Variants in MACROD2 observed in about 807,000 individuals in gnomAD.
MACROD2 encodes mono-ADP ribosylhydrolase 2, also known as ADP-ribose glycohydrolase MACROD2.
A neutral mutation model predicts 70.4 loss-of-function variants in MACROD2; 36 were observed. The observed-to-expected ratio is 0.51, with a 90% CI of 0.39 to 0.68. The LOEUF is 0.68. Ranked by LOEUF, MACROD2 falls within the 30% of genes least tolerant of loss-of-function variation. The probability of loss-of-function intolerance (pLI) is 0.00; values close to 1 mark genes in which losing one functional copy is unlikely to be tolerated. For synonymous variants in MACROD2, 172 were observed against 178.8 expected, an observed-to-expected ratio of 0.96 and a Z score of 0.30; for missense variants, 496 against 538.4, an observed-to-expected ratio of 0.92 and a Z score of 0.78.
At chr20:14,774,664 T>C (rs567942139) in intron 5 of MACROD2, among the ~76,000 whole-genome samples, 45 of 152,228 alleles carry the variant, frequency 3.0e-4, no homozygotes, top group African/African-American at 1.0e-3. Flanking sequence ...TCTAGACTTA[T>C]AGACTGTTAA....
intron 5 of MACROD2, among the ~76,000 whole-genome samples, chr20:14,727,565 A>G (rs929531976): frequency 1.4e-4 from 22 of 152,066 alleles, no homozygotes; most frequent in Non-Finnish European, 2.9e-4. Context: ...GAGAGAGAAG[A>G]AACAAAGTAG....
At chr20:15,148,676 A>G (rs970899205) in intron 5 of MACROD2, among the ~76,000 whole-genome samples, 2 of 151,992 alleles carry the variant, frequency 1.3e-5, no homozygotes, top group East Asian at 1.9e-4. Context: ...GGGGCCTGAT[A>G]AAAAGGAGTG....
At chr20:14,643,951 A>T (rs73100690) in intron 4 of MACROD2, among the ~76,000 whole-genome samples, 27,140 of 152,048 alleles carry the variant, frequency 0.18, 3,167 homozygotes, top group Non-Finnish European at 0.25. Flanking sequence ...GTAGTTAGTC[A>T]TCTATAACAT....
At chr20:15,665,108 A>G (rs995722881) in intron 8 of MACROD2, among the ~76,000 whole-genome samples, 1 of 152,166 alleles carries the variant, frequency 6.6e-6, no homozygotes, top group Non-Finnish European at 1.5e-5. Context: ...TGAAGTCTTG[A>G]TTGAGAAGTG....
chr20:15,655,653 G>A (rs553490644), intron 8 of MACROD2, among the ~76,000 whole-genome samples: 34 of 152,162 alleles, frequency 2.2e-4, no homozygotes, highest in African/African-American at 5.1e-4. Context: ...ACATTATTTC[G>A]AATGATGTAT....
intron 8 of MACROD2, among the ~76,000 whole-genome samples, chr20:15,548,085 CT>C (rs1405803724): frequency 6.6e-6 from 1 of 152,150 alleles, no homozygotes; most frequent in Non-Finnish European, 1.5e-5. Context: ...ATCCCCCTCC[CT>C]TCCTCCATCC....
In MACROD2 at chr20:15,002,287, G is replaced by GT. The variant is rs199572306; in HGVS notation, c.419-227645dup. ...CCACACAAACATCTAGTATTTTTTTGTTTTTTTTGGCTATGGCCATTCTTT... is the reference window on the plus strand; with the variant it reads ...CCACACAAACATCTAGTATTTTTTTGTTTTTTTTTGGCTATGGCCATTCTTT... On this transcript the variant is annotated intron_variant, in intron 5 of 17. Transcript: ENST00000684519. Among the ~76,000 whole-genome samples, 952 of 151,344 alleles carry GT rather than the reference G, an allele frequency of 6.3e-3. 12 individuals carry two copies. The highest frequency in any genetic ancestry group is 0.045 in the Middle Eastern group (13 of 290).
At chr20:14,897,240 G>T (rs6135297) in intron 5 of MACROD2, among the ~76,000 whole-genome samples, 29,054 of 151,980 alleles carry the variant, frequency 0.19, 2,975 homozygotes, top group African/African-American at 0.22. Flanking sequence ...CACAGACTCA[G>T]GTTTTATGGC....
intron 8 of MACROD2, among the ~76,000 whole-genome samples, chr20:15,573,867 A>G (rs1410889601): frequency 6.6e-6 from 1 of 152,098 alleles, no homozygotes; most frequent in African/African-American, 2.4e-5. Context: ...CATCTGTGAC[A>G]ATTTCACTCT....
At chr20:14,447,976 A>AT (rs1555792186) in intron 3 of MACROD2, among the ~76,000 whole-genome samples, 1 of 143,132 alleles carries the variant, frequency 7.0e-6, no homozygotes, top group Admixed American at 7.1e-5. Flanking sequence ...ACCCATGAAA[A>AT]TGTGTGTGTG....
chr20:14,873,138 A>G (rs1395133451), intron 5 of MACROD2, among the ~76,000 whole-genome samples: 1 of 152,160 alleles, frequency 6.6e-6, no homozygotes, highest in Non-Finnish European at 1.5e-5. Flanking sequence ...AAAGGGTAGC[A>G]TATTTGGAAA....
intron 5 of MACROD2, among the ~76,000 whole-genome samples, chr20:14,971,469 A>ACTTATT (rs1272472664): frequency 6.6e-6 from 1 of 152,152 alleles, no homozygotes; most frequent in East Asian, 1.9e-4. Flanking sequence ...ACTCTGAATT[A>ACTTATT]CTTATTCTCT....
intron 8 of MACROD2, among the ~76,000 whole-genome samples, chr20:15,534,115 A>G (rs939636485): frequency 6.6e-6 from 1 of 152,224 alleles, no homozygotes; most frequent in Non-Finnish European, 1.5e-5. Context: ...CAGAAAATCT[A>G]TATGTGTGAT....
chr20:14,735,318 A>G (rs2071650163), intron 5 of MACROD2, among the ~76,000 whole-genome samples: 1 of 152,150 alleles, frequency 6.6e-6, no homozygotes, highest in Non-Finnish European at 1.5e-5. Context: ...AAAATTAGAC[A>G]ATGAACTTGA....
At chr20:15,389,606 A>G (rs1600338567) in intron 6 of MACROD2, among the ~76,000 whole-genome samples, 2 of 152,228 alleles carry the variant, frequency 1.3e-5, no homozygotes, top group South Asian at 4.1e-4. Context: ...GAATATTTTT[A>G]CTAATTAAGA....
intron 3 of MACROD2, among the ~76,000 whole-genome samples, chr20:14,426,766 T>C (rs1774492280): frequency 6.6e-6 from 1 of 152,044 alleles, no homozygotes; most frequent in African/African-American, 2.4e-5. Flanking sequence ...GAGCCCCCAT[T>C]AGGGAGGAAA....
intron 5 of MACROD2, among the ~76,000 whole-genome samples, chr20:14,899,203 A>G (rs1003836186): frequency 2.6e-5 from 4 of 152,162 alleles, no homozygotes; most frequent in Non-Finnish European, 5.9e-5. Context: ...GTCTCAACTC[A>G]TATTTTAAAA....
chr20:15,960,662 G>C (rs756244038), intron 12 of MACROD2, among the ~76,000 whole-genome samples: 1 of 152,152 alleles, frequency 6.6e-6, no homozygotes. Flanking sequence ...CCTAAGAGAT[G>C]TATAGAGTGC....
At chr20:14,904,481 A>G (rs6042988) in intron 5 of MACROD2, among the ~76,000 whole-genome samples, 135,023 of 152,066 alleles carry the variant, frequency 0.89, 60,005 homozygotes, top group East Asian at 1. Flanking sequence ...ACATATATGC[A>G]TTATGCATAT....
Sources: gnomAD v4.1 joint callset for allele counts (sites outside exome capture counted in the v4.1 genomes callset) on GRCh38, gnomAD v4.1.1 for gene constraint, MANE v1.5 for transcripts, NCBI Gene and HGNC (gene_info 2026-07-23, HGNC 2026-07-21) for gene names.